The following NRG3 variants were observed in gnomAD, a reference collection of about 807,000 sequenced individuals.
The protein encoded by NRG3 is neuregulin 3.
Under a neutral mutation model 66.9 loss-of-function variants are expected in NRG3, and 31 were observed. The observed-to-expected ratio is 0.46, with a 90% CI of 0.35 to 0.63. NRG3 has a LOEUF of 0.63. Ranked by LOEUF, NRG3 falls within the 20% of genes least tolerant of loss-of-function variation. The probability of loss-of-function intolerance (pLI) is 0.00; values close to 1 mark genes in which losing one functional copy is unlikely to be tolerated. For missense variants in NRG3, 910 were observed against 878.9 expected, an observed-to-expected ratio of 1.04 and a Z score of -0.45; for synonymous variants, 393 against 359.4, an observed-to-expected ratio of 1.09 and a Z score of -1.06.
chr10:82,532,433 T>C (rs1847350909), intron 2 of NRG3, among the ~76,000 whole-genome samples: 1 of 149,688 alleles, frequency 6.7e-6, no homozygotes, highest in South Asian at 2.1e-4. Flanking sequence ...TACTATACAA[T>C]GGATTACTAT....
At chr10:82,203,964 G>C (rs776780819) in intron 1 of NRG3, among the ~76,000 whole-genome samples, 6 of 151,968 alleles carry the variant, frequency 3.9e-5, no homozygotes, top group Non-Finnish European at 7.4e-5. Context: ...TTATTTAACT[G>C]ACCATCAGAT....
intron 1 of NRG3, among the ~76,000 whole-genome samples, chr10:81,994,421 T>C (rs1253686713): frequency 6.6e-6 from 1 of 152,132 alleles, no homozygotes; most frequent in East Asian, 1.9e-4. Context: ...AAAAAATCAT[T>C]GAGCATTTAC....
chr10:82,985,756 A>G lies in NRG3; in HGVS notation c.*151A>G. Reference sequence around the variant, plus strand: ...CCTCATATCATAGTGTTTTTTAACAAAATATTTTTTTAAGGGAAAGAAATG... The same window carrying G: ...CCTCATATCATAGTGTTTTTTAACAGAATATTTTTTTAAGGGAAAGAAATG... On this transcript the variant is annotated 3_prime_UTR_variant, in exon 9 of 9. Coordinates refer to ENST00000372141, the MANE Select transcript of NRG3 (RefSeq NM_001010848.4). The G allele has an allele frequency of 3.6e-6, 3 of 845,018 alleles. No homozygotes were observed. The highest frequency in any genetic ancestry group is 2.7e-5 in the East Asian group (1 of 37,498). 52.3% of individuals were successfully genotyped at this position (845,018 alleles called of 1,614,324 possible). A position where few individuals can be genotyped will look rare whatever the true frequency, so the allele number is the denominator to read the frequency against.
At chr10:82,217,254 G>C (rs895737524) in intron 1 of NRG3, among the ~76,000 whole-genome samples, 1 of 152,170 alleles carries the variant, frequency 6.6e-6, no homozygotes, top group Admixed American at 6.5e-5. Flanking sequence ...CTGTGCCTCT[G>C]GCAAGCTGTA....
intron 1 of NRG3, among the ~76,000 whole-genome samples, chr10:82,259,888 C>T (rs1422406840): frequency 1.3e-5 from 2 of 152,008 alleles, no homozygotes; most frequent in African/African-American, 4.8e-5. Flanking sequence ...GATATAATTA[C>T]ACCTTTGCAC....
intron 2 of NRG3, among the ~76,000 whole-genome samples, chr10:82,714,711 G>A (rs1383779172): frequency 6.6e-6 from 1 of 152,086 alleles, no homozygotes; most frequent in African/African-American, 2.4e-5. Flanking sequence ...AAAACATAGT[G>A]GTATATCAGA....
intron 1 of NRG3, among the ~76,000 whole-genome samples, chr10:81,975,613 A>G (rs955319412): frequency 2.0e-5 from 3 of 152,126 alleles, no homozygotes; most frequent in Admixed American, 1.3e-4. Flanking sequence ...ACTAGAGTCT[A>G]ATCACACCAG....
Position 81,875,870 on chromosome 10 carries a change from C to G in NRG3, c.530C>G (p.Ala177Gly), listed in dbSNP as rs1229338372. The G allele has an allele frequency of 1.2e-6, 2 of 1,610,654 alleles. No homozygotes were observed. Among genetic ancestry groups the G allele is most frequent in the Non-Finnish European group, 1.7e-6 (2 of 1,179,772 alleles). Residue 177 changes from alanine (A) to glycine (G), a missense_variant, in exon 1 of 9, where the codon GCC becomes GGC. Physicochemically the swap from Ala to Gly is moderately conservative, Grantham distance 60 (BLOSUM62 0). Coordinates refer to ENST00000372141, the MANE Select transcript of NRG3 (RefSeq NM_001010848.4). This position sits in a 1 kb window ranked among gnomAD's most constrained non-coding sequence, Gnocchi z 5.3. ...CCCGGGCACCGGGTGCCCATCCGGG[C>G]CAGCCCGCGCTCCACCACAGCACGG... ...RFPGHRVPIRASPRSTTARNT... is the reference protein window; with the variant it reads ...RFPGHRVPIRGSPRSTTARNT...
intron 3 of NRG3, among the ~76,000 whole-genome samples, chr10:82,834,399 C>T (rs970049458): frequency 9.9e-5 from 15 of 152,110 alleles, no homozygotes; most frequent in African/African-American, 3.1e-4. Flanking sequence ...CAGCCTTGCT[C>T]CCTAGGGGTA....
chr10:82,132,540 T>TATATATCATATATATATC, intron 1 of NRG3, among the ~76,000 whole-genome samples: 1 of 130,172 alleles, frequency 7.7e-6, no homozygotes, highest in East Asian at 2.2e-4. Context: ...ATATATGATA[T>TATATATCATATATATATC]ATATATATCT....
intron 3 of NRG3, among the ~76,000 whole-genome samples, chr10:82,747,374 C>A (rs1382860856): frequency 1.3e-5 from 2 of 151,928 alleles, no homozygotes; most frequent in South Asian, 2.1e-4. Flanking sequence ...ACCTTGATGT[C>A]CAAATGATTT....
intron 1 of NRG3, among the ~76,000 whole-genome samples, chr10:82,185,973 A>G (rs2073778793): frequency 6.6e-6 from 1 of 152,168 alleles, no homozygotes; most frequent in Admixed American, 6.5e-5. Flanking sequence ...ACGTTTCCTC[A>G]CAGATATATC....
At chr10:82,584,382 G>A (rs1189727573) in intron 2 of NRG3, among the ~76,000 whole-genome samples, 1 of 152,094 alleles carries the variant, frequency 6.6e-6, no homozygotes, top group Non-Finnish European at 1.5e-5. Context: ...CACTGCACCT[G>A]GCCTGTTTTG....
intron 1 of NRG3, among the ~76,000 whole-genome samples, chr10:82,132,758 A>G (rs994447759): frequency 1.3e-5 from 2 of 150,938 alleles, no homozygotes; most frequent in African/African-American, 4.9e-5. Flanking sequence ...ATTACTTGTT[A>G]TTCGTCTATT....
At chr10:81,911,978 C>A (rs2132760720) in intron 1 of NRG3, among the ~76,000 whole-genome samples, 1 of 151,880 alleles carries the variant, frequency 6.6e-6, no homozygotes, top group African/African-American at 2.4e-5. Context: ...TGTTAATTAC[C>A]AGAGATTAGA....
chr10:82,188,833 A>C (rs562661828), intron 1 of NRG3, among the ~76,000 whole-genome samples: 2 of 152,216 alleles, frequency 1.3e-5, no homozygotes, highest in African/African-American at 4.8e-5. Context: ...GTACCAAAGC[A>C]AATAGATAGA....
intron 4 of NRG3, among the ~76,000 whole-genome samples, chr10:82,950,129 C>T (rs1849384807): frequency 1.3e-5 from 2 of 152,102 alleles, no homozygotes; most frequent in South Asian, 4.1e-4. Flanking sequence ...GAAGTAGGTG[C>T]AGTCTGTTTT....
intron 1 of NRG3, among the ~76,000 whole-genome samples, chr10:82,258,779 TGGA>T (rs980610182): frequency 4.6e-5 from 7 of 152,206 alleles, no homozygotes; most frequent in Non-Finnish European, 1.0e-4. Flanking sequence ...ATGTGAAGGT[TGGA>T]GGTGTGAAAT....
intron 1 of NRG3, among the ~76,000 whole-genome samples, chr10:82,327,870 T>G (rs1344516696): frequency 6.6e-6 from 1 of 152,176 alleles, no homozygotes; most frequent in Non-Finnish European, 1.5e-5. Context: ...TTCCTTGGCT[T>G]GTAGTCAGCT....
Sources: gnomAD v4.1 joint callset for allele counts (sites outside exome capture counted in the v4.1 genomes callset) on GRCh38, gnomAD v4.1.1 for gene constraint, Gnocchi (gnomAD v3.1) non-coding constraint, MANE v1.5 for transcripts, NCBI Gene and HGNC (gene_info 2026-07-23, HGNC 2026-07-21) for gene names.